The following RUVBL1 variants were observed in gnomAD, a reference collection of about 807,000 sequenced individuals.
RUVBL1 encodes the protein ruvB-like 1.
In RUVBL1, 4 loss-of-function variants were observed where a neutral mutation model predicts 52.4. The ratio of observed to expected loss-of-function variants is 0.08; its 90% CI spans 0.04 to 0.17. RUVBL1 has a LOEUF of 0.17. RUVBL1 is among the 10% of genes least tolerant of loss of function. The pLI is 1.00. For synonymous variants in RUVBL1, 217 were observed against 214.4 expected (o/e 1.01, Z -0.10); for missense variants, 298 against 572.8 (o/e 0.52, Z 4.90).
downstream of RUVBL1, among the ~76,000 whole-genome samples, chr3:128,077,279 C>T (rs1576435277): frequency 6.6e-6 from 1 of 152,268 alleles, no homozygotes; most frequent in East Asian, 1.9e-4. Context: ...TTCCGGGGCC[C>T]TGCTGCGTGG....
chr3:128,136,749 A>G (rs547269680), intron 1 of RUVBL1, among the ~76,000 whole-genome samples: 14 of 152,340 alleles, frequency 9.2e-5, no homozygotes, highest in African/African-American at 3.4e-4. Context: ...AAAAAAGAGC[A>G]GGAGTAGCTA....
At chr3:128,108,745 T>C (rs1207389373) in intron 3 of RUVBL1, among the ~76,000 whole-genome samples, 1 of 152,066 alleles carries the variant, frequency 6.6e-6, no homozygotes, top group Non-Finnish European at 1.5e-5. Context: ...TGTAACATCT[T>C]ACTGTTCATC....
At chr3:128,145,651 G>A (rs2107737157) in intron 1 of RUVBL1, among the ~76,000 whole-genome samples, 1 of 152,300 alleles carries the variant, frequency 6.6e-6, no homozygotes, top group Non-Finnish European at 1.5e-5. Context: ...ATGGCAGGGT[G>A]AGCTGGGGTG....
At chr3:128,077,820 CCA>C (rs1436967643), downstream of RUVBL1, among the ~76,000 whole-genome samples, 1 of 152,222 alleles carries the variant, frequency 6.6e-6, no homozygotes, top group African/African-American at 2.4e-5. Context: ...GCTGCTTCCT[CCA>C]GTTTGACAAA....
intron 1 of RUVBL1, 99 bp downstream of exon 1, chr3:128,123,485 C>T: frequency 7.6e-7 from 1 of 1,307,262 alleles, no homozygotes; most frequent in Non-Finnish European, 1.0e-6. Context: ...GCGGGAGACC[C>T]CTGGCGCGCG....
intron 1 of RUVBL1, among the ~76,000 whole-genome samples, chr3:128,152,724 C>T (rs979708576): frequency 6.6e-6 from 1 of 152,132 alleles, no homozygotes; most frequent in Non-Finnish European, 1.5e-5. Context: ...AGCCGCGGAC[C>T]TTCGCAGTGA....
At chr3:128,090,059 T>A (rs574261969) in intron 8 of RUVBL1, among the ~76,000 whole-genome samples, 2 of 152,064 alleles carry the variant, frequency 1.3e-5, no homozygotes, top group East Asian at 3.9e-4. Context: ...ATAGTGGTGA[T>A]GGTTTTAGAA....
intron 4 of RUVBL1, 72 bp downstream of exon 4, chr3:128,104,701 G>C: frequency 2.9e-6 from 4 of 1,394,334 alleles, no homozygotes; most frequent in Non-Finnish European, 3.9e-6. Context: ...ATGCAGAGAG[G>C]TTACACCACC....
intron 1 of RUVBL1, among the ~76,000 whole-genome samples, chr3:128,146,774 T>C (rs1373007976): frequency 6.6e-6 from 1 of 152,078 alleles, no homozygotes; most frequent in Non-Finnish European, 1.5e-5. Context: ...TGTGTGTCTC[T>C]GTGCGTGTGC....
intron 6 of RUVBL1, 28 bp from the exon 7 acceptor site, chr3:128,098,973 G>A (rs1411410624): frequency 6.3e-7 from 1 of 1,594,018 alleles, no homozygotes; most frequent in African/African-American, 1.3e-5. Context: ...TAGAGTCAGT[G>A]CTGCTTTCTA....
chr3:128,069,800 A>G (rs1942102608), intron 9 of RUVBL1: 1 of 786,460 alleles, frequency 1.3e-6, no homozygotes. Context: ...CCACTGTGTA[A>G]AGTGCTAGAC....
At chr3:128,152,024 T>C (rs2107743207) in intron 1 of RUVBL1, among the ~76,000 whole-genome samples, 1 of 152,288 alleles carries the variant, frequency 6.6e-6, no homozygotes, top group East Asian at 1.9e-4. Context: ...GCTTCCCTCT[T>C]TGCACAGGAA....
chr3:128,142,640 T>C (rs1944043077), intron 1 of RUVBL1, among the ~76,000 whole-genome samples: 1 of 152,190 alleles, frequency 6.6e-6, no homozygotes, highest in South Asian at 2.1e-4. Context: ...TTCCAGGGAT[T>C]CTGGGGAAGA....
At chr3:128,143,905 T>C (rs950700364) in intron 1 of RUVBL1, among the ~76,000 whole-genome samples, 2 of 152,198 alleles carry the variant, frequency 1.3e-5, no homozygotes, top group African/African-American at 4.8e-5. Context: ...GAGTAGGTGC[T>C]GACCACTACC....
rs1942495844 is a variant in RUVBL1 at position 128,082,218 on chromosome 3, A to G, written c.1211+265T>C. On this transcript the variant is annotated intron_variant, in intron 10 of 10. Transcript: ENST00000322623. This position sits in a 1 kb window ranked among gnomAD's most constrained non-coding sequence, Gnocchi z 4.7. ...TCTGTGCATCTTCTCTGCCACAAGAAGGCCCAGGGTCAAAGCACTCTCCAC... is the reference window on the plus strand; with the variant it reads ...TCTGTGCATCTTCTCTGCCACAAGAGGGCCCAGGGTCAAAGCACTCTCCAC... 1.4e-5 allele frequency: 6 copies of G among 427,036 alleles called. No homozygotes were observed. The East Asian group carries it at 2.9e-4, about 20-fold the overall frequency. The allele number at this position is 427,036 out of a possible 1,614,324, so 26.5% of individuals were successfully genotyped here. A position where few individuals can be genotyped will look rare whatever the true frequency, so the allele number is the denominator to read the frequency against.
chr3:128,121,989 G>A (rs542977395), intron 1 of RUVBL1, among the ~76,000 whole-genome samples: 5 of 152,306 alleles, frequency 3.3e-5, no homozygotes, highest in Non-Finnish European at 7.3e-5. Context: ...TTTTCAGGGA[G>A]GTTACTGATG....
intron 8 of RUVBL1, among the ~76,000 whole-genome samples, chr3:128,095,480 A>G (rs1422850868): frequency 1.3e-5 from 2 of 152,260 alleles, no homozygotes; most frequent in Non-Finnish European, 2.9e-5. Context: ...CCAAGTAGCC[A>G]TGCTGGATCT....
At chr3:128,111,984 A>G (rs929463746) in intron 3 of RUVBL1, among the ~76,000 whole-genome samples, 2 of 152,226 alleles carry the variant, frequency 1.3e-5, no homozygotes, top group Non-Finnish European at 2.9e-5. Flanking sequence ...TGTTTTTAAG[A>G]GTAAAAGCTG....
At chr3:128,089,816 A>T (rs929257538) in intron 8 of RUVBL1, among the ~76,000 whole-genome samples, 3 of 150,398 alleles carry the variant, frequency 2.0e-5, no homozygotes, top group African/African-American at 7.3e-5. Flanking sequence ...AAGCTAAGGC[A>T]TGAGAATCGC....
Sources: gnomAD v4.1 joint callset for allele counts (sites outside exome capture counted in the v4.1 genomes callset) on GRCh38, gnomAD v4.1.1 for gene constraint, Gnocchi (gnomAD v3.1) non-coding constraint, MANE v1.5 for transcripts, NCBI Gene and HGNC (gene_info 2026-07-23, HGNC 2026-07-21) for gene names.